The following GABRB2 variants were observed in gnomAD, a reference collection of about 807,000 sequenced individuals.
GABRB2 encodes the protein gamma-aminobutyric acid type A receptor subunit beta2.
Under a neutral mutation model 54.7 loss-of-function variants are expected in GABRB2, and 16 were observed. The ratio of observed to expected loss-of-function variants is 0.29; its 90% CI spans 0.20 to 0.44. The LOEUF is 0.44. Ranked by LOEUF, GABRB2 falls within the 20% of genes least tolerant of loss-of-function variation. The pLI is 1.00. For missense variants in GABRB2, 355 were observed against 644.0 expected, an observed-to-expected ratio of 0.55 and a Z score of 4.86; for synonymous variants, 244 against 233.8, an observed-to-expected ratio of 1.04 and a Z score of -0.40.
In GABRB2 at chr5:161,294,170, C is replaced by G; in HGVS notation, c.1450G>C (p.Val484Leu). ...LKITIPDLTD[V>L]NAIDRWSRIF... ...CGGGACCACCGATCTATGGCATTCA[C>G]ATCAGTCAAGTCAGGGATGGTGATT... Residue 484 changes from valine to leucine, a missense_variant, in exon 10 of 10, where the codon GTG becomes CTG. Physicochemically the swap from Val to Leu is conservative, Grantham distance 32. This residue lies in a region of GABRB2 where 201 missense variants were observed against 228.1 expected (regional missense o/e 0.88). Coordinates refer to ENST00000393959, the MANE Select transcript of GABRB2 (RefSeq NM_001371727.1). The G allele has an allele frequency of 6.2e-7, 1 of 1,614,156 alleles. No individual in the cohort carries two copies. The highest frequency in any genetic ancestry group is 8.5e-7 in the Non-Finnish European group (1 of 1,180,012).
chr5:161,544,192 C>A (rs564315326), intron 3 of GABRB2, among the ~76,000 whole-genome samples: 1 of 152,110 alleles, frequency 6.6e-6, no homozygotes, highest in East Asian at 1.9e-4. Context: ...ATATACTATA[C>A]CCCTTTATTT....
intron 5 of GABRB2, among the ~76,000 whole-genome samples, chr5:161,353,332 C>A (rs1754526030): frequency 1.3e-5 from 2 of 152,010 alleles, no homozygotes; most frequent in South Asian, 4.1e-4. Flanking sequence ...CCTCCTGTTG[C>A]AGGACTGGAC....
chr5:161,546,608 A>T lies in GABRB2; in HGVS notation c.36T>A (p.Ile12=), dbSNP rs760437328. 1.2e-6 allele frequency: 2 copies of T among 1,601,230 alleles called. No homozygotes were observed. The highest frequency in any genetic ancestry group is 1.7e-6 in the Non-Finnish European group (2 of 1,173,404). The part of the protein sequence containing the change: ...WRVRKRGYFG[I]WSFPLIIAAV... ...CGGCGATTATTAAGGGGAAGGACCA[A>T]ATCCCAAAGTAGCCCCTTTTCCGCA... Residue 12 remains isoleucine (I), a synonymous_variant, in exon 1 of 10, where the codon ATT becomes ATA. Transcript: ENST00000393959.
At chr5:161,495,949 C>T (rs1014267943) in intron 3 of GABRB2, among the ~76,000 whole-genome samples, 4 of 152,174 alleles carry the variant, frequency 2.6e-5, no homozygotes, top group African/African-American at 7.2e-5. Flanking sequence ...TAGAACTTCA[C>T]ATTTGCATCC....
At chr5:161,539,138 G>A (rs1456868698) in intron 3 of GABRB2, among the ~76,000 whole-genome samples, 2 of 152,202 alleles carry the variant, frequency 1.3e-5, no homozygotes, top group East Asian at 3.9e-4. Context: ...TTAAGATGGA[G>A]AAGAATCTGC....
intron 4 of GABRB2, among the ~76,000 whole-genome samples, chr5:161,456,883 G>C (rs968273453): frequency 6.6e-6 from 1 of 151,876 alleles, no homozygotes; most frequent in South Asian, 2.1e-4. Context: ...TAGCAGGAGG[G>C]GCAAAGTATT....
intron 5 of GABRB2, among the ~76,000 whole-genome samples, chr5:161,389,988 C>T (rs960984830): frequency 1.1e-4 from 17 of 151,764 alleles, no homozygotes; most frequent in African/African-American, 4.1e-4. Context: ...ACAGTAATAC[C>T]TATTTCATAG....
intron 5 of GABRB2, among the ~76,000 whole-genome samples, chr5:161,388,601 GAATT>G (rs1274459644): frequency 1.3e-5 from 2 of 151,796 alleles, no homozygotes; most frequent in Non-Finnish European, 2.9e-5. Flanking sequence ...AATAATTTAA[GAATT>G]AATCATTTAA....
intron 5 of GABRB2, among the ~76,000 whole-genome samples, chr5:161,387,865 CTT>C (rs1310607751): frequency 1.3e-5 from 2 of 152,026 alleles, no homozygotes; most frequent in Admixed American, 6.6e-5. Flanking sequence ...ATTAACCAAA[CTT>C]AATTAAATCT....
chr5:161,545,396 A>T, intron 2 of GABRB2, 102 bp from the exon 3 acceptor site: 1 of 632,568 alleles, frequency 1.6e-6, no homozygotes, highest in Non-Finnish European at 2.4e-6. Context: ...ACCCTTCTGC[A>T]CTACTCAATC....
intron 3 of GABRB2, among the ~76,000 whole-genome samples, chr5:161,487,144 T>A (rs1758950656): frequency 6.6e-6 from 1 of 151,976 alleles, no homozygotes; most frequent in Non-Finnish European, 1.5e-5. Context: ...TTCCCAATAT[T>A]TTCTGGTAAA....
intron 3 of GABRB2, among the ~76,000 whole-genome samples, chr5:161,468,697 G>A (rs572838840): frequency 3.9e-5 from 6 of 151,992 alleles, no homozygotes; most frequent in Admixed American, 2.0e-4. Flanking sequence ...CTTATTCACT[G>A]ATGTACCCCT....
At chr5:161,528,504 AG>A (rs1474438618) in intron 3 of GABRB2, among the ~76,000 whole-genome samples, 1 of 151,854 alleles carries the variant, frequency 6.6e-6, no homozygotes, top group Non-Finnish European at 1.5e-5. Flanking sequence ...CTAGAATTTA[AG>A]AAATTTGTAC....
chr5:161,317,407 G>A (rs191105241), intron 9 of GABRB2, among the ~76,000 whole-genome samples: 9 of 152,248 alleles, frequency 5.9e-5, no homozygotes, highest in Admixed American at 4.6e-4. Context: ...TGTAACCACT[G>A]GGGAAAAGGT....
At chr5:161,414,502 GC>G (rs1236182678) in intron 4 of GABRB2, among the ~76,000 whole-genome samples, 1 of 152,008 alleles carries the variant, frequency 6.6e-6, no homozygotes, top group Non-Finnish European at 1.5e-5. Flanking sequence ...TATAAACAAG[GC>G]AGAGATATCA....
chr5:161,516,087 T>G (rs1244527962), intron 3 of GABRB2, among the ~76,000 whole-genome samples: 1 of 152,204 alleles, frequency 6.6e-6, no homozygotes, highest in African/African-American at 2.4e-5. Context: ...TACATAAGTA[T>G]TTTACTTTAT....
chr5:161,541,914 C>G (rs951392178), intron 3 of GABRB2, among the ~76,000 whole-genome samples: 26 of 152,206 alleles, frequency 1.7e-4, no homozygotes, highest in Non-Finnish European at 1.5e-5. Context: ...ATCTGCCTGT[C>G]CCAGCTTTTG....
chr5:161,349,447 A>G (rs921481254), intron 5 of GABRB2, among the ~76,000 whole-genome samples: 3 of 152,116 alleles, frequency 2.0e-5, no homozygotes, highest in African/African-American at 7.2e-5. Context: ...TGGTGATTTG[A>G]AATATATGTA....
chr5:161,426,814 G>C, intron 4 of GABRB2, among the ~76,000 whole-genome samples: 1 of 151,996 alleles, frequency 6.6e-6, no homozygotes, highest in East Asian at 1.9e-4. Flanking sequence ...TGGCAAAAAG[G>C]CAAGGATTAA....
Sources: gnomAD v4.1 joint callset for allele counts (sites outside exome capture counted in the v4.1 genomes callset) on GRCh38, gnomAD v4.1.1 for gene constraint, gnomAD v4.1.1 regional missense constraint, MANE v1.5 for transcripts, NCBI Gene and HGNC (gene_info 2026-07-23, HGNC 2026-07-21) for gene names.